Variants in RORA observed in about 807,000 individuals in gnomAD.
The protein encoded by RORA is nuclear receptor ROR-alpha.
Under a neutral mutation model 69.5 loss-of-function variants are expected in RORA, and 7 were observed. The ratio of observed to expected loss-of-function variants is 0.10; its 90% CI spans 0.06 to 0.19. RORA has a LOEUF of 0.19. RORA is among the 10% of genes least tolerant of loss of function. The pLI is 1.00. For missense variants in RORA, 457 were observed against 663.0 expected (o/e 0.69, Z 3.41); for synonymous variants, 261 against 240.8 (o/e 1.08, Z -0.78).
At chr15:60,802,590 G>A (rs993109071) in intron 1 of RORA, among the ~76,000 whole-genome samples, 1 of 152,138 alleles carries the variant, frequency 6.6e-6, no homozygotes, top group Admixed American at 6.5e-5. Flanking sequence ...GTTTATGTGC[G>A]TGTATGTGGC....
chr15:61,027,297 G>C (rs1895872863), intron 1 of RORA, among the ~76,000 whole-genome samples: 2 of 152,108 alleles, frequency 1.3e-5, no homozygotes, highest in South Asian at 4.1e-4. Flanking sequence ...TTTTAGTCTT[G>C]GCCTGAAAAC....
At chr15:60,943,447 A>G (rs530018514) in intron 1 of RORA, among the ~76,000 whole-genome samples, 1 of 152,008 alleles carries the variant, frequency 6.6e-6, no homozygotes, top group Non-Finnish European at 1.5e-5. Context: ...AAGAGATGTT[A>G]TTTCTTGATC....
At chr15:60,914,922 G>A (rs1217975087) in intron 1 of RORA, among the ~76,000 whole-genome samples, 1 of 152,176 alleles carries the variant, frequency 6.6e-6, no homozygotes, top group East Asian at 1.9e-4. Flanking sequence ...TGTTTCTTTG[G>A]CACTTATTGG....
rs543710008 is a variant in RORA at position 61,228,468 on chromosome 15, G to T, written c.166+585C>A. On this transcript the variant is annotated intron_variant, in intron 1 of 10. Coordinates refer to ENST00000335670, the MANE Select transcript of RORA (RefSeq NM_134261.3). ...GTGCTCCAAAGAAGGTGTCCACGTCGCCCCCAGACCCCGGAGCGCCCCCTC... is the reference window on the plus strand; with the variant it reads ...GTGCTCCAAAGAAGGTGTCCACGTCTCCCCCAGACCCCGGAGCGCCCCCTC... Among the ~76,000 whole-genome samples the T allele has an allele frequency of 3.6e-4, 54 of 151,062 alleles. 1 individual carries two copies. Among genetic ancestry groups the T allele is most frequent in the African/African-American group, 1.3e-3 (52 of 41,084 alleles).
intron 1 of RORA, among the ~76,000 whole-genome samples, chr15:60,874,806 G>A (rs983429429): frequency 6.6e-6 from 1 of 152,164 alleles, no homozygotes; most frequent in African/African-American, 2.4e-5. Flanking sequence ...GGGTCAGCCT[G>A]CTAGTGTACA....
intron 1 of RORA, among the ~76,000 whole-genome samples, chr15:60,997,844 GC>G (rs773337015): frequency 6.6e-6 from 1 of 152,120 alleles, no homozygotes; most frequent in Non-Finnish European, 1.5e-5. Flanking sequence ...TCTTTCTGTG[GC>G]TTTAAGAATT....
chr15:61,032,292 G>A (rs1896213796), intron 1 of RORA, among the ~76,000 whole-genome samples: 1 of 152,208 alleles, frequency 6.6e-6, no homozygotes. Flanking sequence ...AAAGCCAGAA[G>A]TGTTGAACTG....
chr15:60,679,848 A>G (rs1280514857), intron 1 of RORA, among the ~76,000 whole-genome samples: 1 of 152,196 alleles, frequency 6.6e-6, no homozygotes, highest in Non-Finnish European at 1.5e-5. Context: ...TATTTAGGGA[A>G]GTTGAAATTA....
intron 1 of RORA, among the ~76,000 whole-genome samples, chr15:60,748,446 C>A (rs16943044): frequency 2.0e-3 from 303 of 152,266 alleles, no homozygotes; most frequent in African/African-American, 6.9e-3. Context: ...TTCCTCCTCA[C>A]GTGGTTCTTA....
At chr15:61,028,061 T>C (rs1013021549) in intron 1 of RORA, among the ~76,000 whole-genome samples, 1 of 152,200 alleles carries the variant, frequency 6.6e-6, no homozygotes, top group Non-Finnish European at 1.5e-5. Flanking sequence ...CCCCAAATAC[T>C]GACAAAAGCT....
intron 1 of RORA, among the ~76,000 whole-genome samples, chr15:60,938,601 A>G (rs1229760436): frequency 6.6e-6 from 1 of 152,224 alleles, no homozygotes; most frequent in Non-Finnish European, 1.5e-5. Flanking sequence ...ATACAGGTAC[A>G]TGGTTAGATC....
At chr15:60,562,275 A>G (rs1156599097) in intron 2 of RORA, among the ~76,000 whole-genome samples, 1 of 151,562 alleles carries the variant, frequency 6.6e-6, no homozygotes, top group Non-Finnish European at 1.5e-5. Flanking sequence ...TGACTCTGTC[A>G]CCCAGGCTGG....
intron 1 of RORA, among the ~76,000 whole-genome samples, chr15:60,824,374 T>A (rs992524759): frequency 6.6e-6 from 1 of 152,150 alleles, no homozygotes; most frequent in African/African-American, 2.4e-5. Flanking sequence ...GAGACACAAT[T>A]ATCTCTTTGA....
At chr15:61,118,820 A>G (rs370430546) in intron 1 of RORA, among the ~76,000 whole-genome samples, 18 of 152,194 alleles carry the variant, frequency 1.2e-4, no homozygotes, top group Non-Finnish European at 2.1e-4. Flanking sequence ...AAAACTCCCA[A>G]CTGTTTTTTG....
intron 1 of RORA, among the ~76,000 whole-genome samples, chr15:60,859,245 A>T (rs1567216421): frequency 6.6e-6 from 1 of 151,994 alleles, no homozygotes; most frequent in Admixed American, 6.5e-5. Flanking sequence ...TCCCACCAAG[A>T]GATGATCCCC....
chr15:61,187,555 C>T (rs1047706337), intron 1 of RORA, among the ~76,000 whole-genome samples: 2 of 152,202 alleles, frequency 1.3e-5, no homozygotes, highest in African/African-American at 2.4e-5. Context: ...CTGTTCAACA[C>T]GGCCTCTGCA....
chr15:61,000,631 G>C (rs1894715347), intron 1 of RORA, among the ~76,000 whole-genome samples: 1 of 152,160 alleles, frequency 6.6e-6, no homozygotes, highest in African/African-American at 2.4e-5. Context: ...AAATAGACCT[G>C]GTGAGTGAAG....
At chr15:61,005,863 C>T (rs1178451712) in intron 1 of RORA, among the ~76,000 whole-genome samples, 1 of 152,180 alleles carries the variant, frequency 6.6e-6, no homozygotes, top group Non-Finnish European at 1.5e-5. Flanking sequence ...TATGTGTGTA[C>T]ATGTGCCTTC....
chr15:60,783,333 G>A (rs1348878131), intron 1 of RORA, among the ~76,000 whole-genome samples: 1 of 151,672 alleles, frequency 6.6e-6, no homozygotes, highest in Non-Finnish European at 1.5e-5. Flanking sequence ...TCTGCAAAGG[G>A]GTGTTTATTT....
Sources: allele counts gnomAD v4.1 joint callset (sites outside exome capture counted in the v4.1 genomes callset), GRCh38; gene constraint gnomAD v4.1.1; transcripts MANE v1.5; gene names NCBI Gene and HGNC (gene_info 2026-07-23, HGNC 2026-07-21).